WDR76: variants seen among roughly 807,000 people sequenced by gnomAD.
WDR76 encodes WD repeat-containing protein 76.
In WDR76, 52 loss-of-function variants were observed where a neutral mutation model predicts 70.2. The ratio of observed to expected loss-of-function variants is 0.74; its 90% CI spans 0.59 to 0.93. The LOEUF is 0.93. Among genes scored for constraint, WDR76 ranks in the 40% least tolerant of loss-of-function variants. The probability of loss-of-function intolerance (pLI) is 0.00; values close to 1 mark genes in which losing one functional copy is unlikely to be tolerated. For synonymous variants in WDR76, 292 were observed against 271.1 expected, an observed-to-expected ratio of 1.08 and a Z score of -0.76; for missense variants, 756 against 760.2, an observed-to-expected ratio of 0.99 and a Z score of 0.07.
intron 8 of WDR76, among the ~76,000 whole-genome samples, chr15:43,845,236 A>G (rs2087774274): frequency 6.7e-6 from 1 of 149,886 alleles, no homozygotes; most frequent in Admixed American, 6.6e-5. Flanking sequence ...GGCATGAGCC[A>G]CGGCGCCCAG....
In WDR76 at chr15:43,843,940, T is replaced by C. The variant is rs774398954; in HGVS notation, c.918T>C (p.Asp306=). 6.2e-7 allele frequency: 1 copy of C among 1,609,802 alleles called. No homozygotes were observed. Among genetic ancestry groups the C allele is most frequent in the Non-Finnish European group, 8.5e-7 (1 of 1,177,782 alleles). ...ANLNGMVISE[D]TVYKVTTGPI... is the part of the protein sequence containing the mutation. ...TAAATGGCATGGTCATTAGTGAAGA[T>C]ACCGTTTACAAAGTTACCACAGGCC... is the stretch of plus-strand genomic sequence containing the variant. Residue 306 remains aspartate (D), a synonymous_variant, in exon 8 of 13, where the codon GAT becomes GAC. Transcript: ENST00000263795.
At chr15:43,864,122 T>G (rs1351355706) in intron 12 of WDR76, 2 of 152,242 alleles carry the variant, frequency 1.3e-5, no homozygotes, top group Non-Finnish European at 2.9e-5. Context: ...TTTTCTTGTT[T>G]TAAGTGAAAT....
rs2087741629 is a variant in WDR76 at position 43,842,763 on chromosome 15, A to G, written c.878+92A>G. The G allele has an allele frequency of 1.9e-5, 23 of 1,220,298 alleles. No homozygotes were observed. In the South Asian group the frequency reaches 2.7e-4, roughly 14 times the overall value. 75.6% of individuals were successfully genotyped at this position (1,220,298 alleles called of 1,614,324 possible). A position where few individuals can be genotyped will look rare whatever the true frequency, so the allele number is the denominator to read the frequency against. ...CATTTTAGGGAATTTTGAAAGTGAG[A>G]TGAAATGTTTCCACCCTAACAACTG... On this transcript the variant is annotated intron_variant, in intron 7 of 12. Coordinates refer to ENST00000263795, the MANE Select transcript of WDR76 (RefSeq NM_024908.4).
intron 7 of WDR76, 126 bp from the exon 8 acceptor site, chr15:43,843,775 A>G: frequency 1.2e-6 from 1 of 821,120 alleles, no homozygotes; most frequent in Non-Finnish European, 1.8e-6. Flanking sequence ...TTCCTTGGTT[A>G]CCAGGAGATT....
Position 43,851,204 on chromosome 15 carries a change from A to G in WDR76, c.1150A>G (p.Thr384Ala), listed in dbSNP as rs751528743. The G allele has an allele frequency of 1.2e-6, 2 of 1,614,194 alleles. No individual in the cohort carries two copies. The highest frequency in any genetic ancestry group is 1.7e-6 in the Non-Finnish European group (2 of 1,180,036). ...AHILSLSYDGTLRCGDFSRAI... is the reference protein window; with the variant it reads ...AHILSLSYDGALRCGDFSRAI... ...CATACTGTCACTGAGCTATGATGGCACGTTACGCTGTGGGGATTTTTCCAG... is the reference window on the plus strand; with the variant it reads ...CATACTGTCACTGAGCTATGATGGCGCGTTACGCTGTGGGGATTTTTCCAG... Residue 384 changes from threonine (T) to alanine (A), a missense_variant, in exon 9 of 13, where the codon ACG (threonine) becomes GCG (alanine). Thr to Ala is a moderately conservative substitution (Grantham distance 58). Transcript: ENST00000263795.
chr15:43,839,238 C>A (rs1015951079), intron 4 of WDR76, among the ~76,000 whole-genome samples: 4 of 152,124 alleles, frequency 2.6e-5, no homozygotes, highest in Non-Finnish European at 5.9e-5. Context: ...CAAAGGTAAC[C>A]TCAGCATGTA....
At chr15:43,832,745 T>TA (rs1199573163) in intron 2 of WDR76, among the ~76,000 whole-genome samples, 1 of 85,642 alleles carries the variant, frequency 1.2e-5, no homozygotes, top group Non-Finnish European at 2.1e-5. Context: ...CTTGCTTTGT[T>TA]TTTTTTTTTT....
intron 9 of WDR76, among the ~76,000 whole-genome samples, chr15:43,853,353 G>A (rs2087887283): frequency 6.6e-6 from 1 of 151,574 alleles, no homozygotes; most frequent in African/African-American, 2.4e-5. Flanking sequence ...ACCATGCTTG[G>A]CTAATTTTTG....
rs141185455 is a variant in WDR76 at position 43,831,873 on chromosome 15, G to T, written c.463-3188G>T. On this transcript the variant is annotated intron_variant, in intron 2 of 12. Coordinates refer to ENST00000263795, the MANE Select transcript of WDR76 (RefSeq NM_024908.4). ...TTTTTGAGACGGAGTCTCACCTGTC[G>T]CCCAGGCTGGAATGTAGTGGTGCGA... 4.9e-3 allele frequency among the ~76,000 whole-genome samples: 739 copies of T among 150,676 alleles called. 3 individuals are homozygous for T. The highest frequency in any genetic ancestry group is 8.3e-3 in the Non-Finnish European group (565 of 67,778).
rs563295742 is a variant in WDR76, at chr15:43,865,451, T to G, written c.1617-677T>G. Among the ~76,000 whole-genome samples the G allele has an allele frequency of 5.9e-5, 9 of 152,318 alleles. No individual in the cohort carries two copies. The East Asian group carries it at 1.5e-3, about 26-fold the overall frequency. On this transcript the variant is annotated intron_variant, in intron 12 of 12. Transcript: ENST00000263795. Reference sequence around the variant, plus strand: ...CCATGGCCAGCTAATTTTCCTATTTTTAGTAGAGACGGGGTTTCACCATGT... The same window carrying G: ...CCATGGCCAGCTAATTTTCCTATTTGTAGTAGAGACGGGGTTTCACCATGT...
rs769475192 is a variant in WDR76 at position 43,857,156 on chromosome 15, G to A, written c.1402G>A (p.Gly468Arg). 2 of 1,612,410 alleles carry A rather than the reference G, an allele frequency of 1.2e-6. No individual in the cohort carries two copies. Among genetic ancestry groups the A allele is most frequent in the Non-Finnish European group, 8.5e-7 (1 of 1,179,234 alleles). ...GCATAGACAGTATTTTATCACTGCCGGATTGAGGTATGGTCTTTATAAGAC... is the reference window on the plus strand; with the variant it reads ...GCATAGACAGTATTTTATCACTGCCAGATTGAGGTATGGTCTTTATAAGAC... ...PVHRQYFITA[G>R]LRDTHIYDAR... Residue 468 changes from glycine to arginine, a missense_variant, in exon 10 of 13, where the codon GGA (glycine) becomes AGA (arginine). Gly to Arg is a moderately radical substitution (Grantham distance 125, BLOSUM62 -2). Transcript: ENST00000263795.
chr15:43,850,915 A>G (rs902581256), intron 8 of WDR76, among the ~76,000 whole-genome samples, 172 bp from the exon 9 acceptor site: 1 of 152,190 alleles, frequency 6.6e-6, no homozygotes, highest in Non-Finnish European at 1.5e-5. Context: ...AGTTAATGAC[A>G]AGATAAAGTT....
chr15:43,863,405 GAATAT>G (rs1467524864), intron 12 of WDR76, among the ~76,000 whole-genome samples: 1 of 151,946 alleles, frequency 6.6e-6, no homozygotes, highest in Non-Finnish European at 1.5e-5. Context: ...CAATCTTCAA[GAATAT>G]AATATATTGT....
intron 8 of WDR76, among the ~76,000 whole-genome samples, chr15:43,848,688 C>T (rs936420102): frequency 1.3e-5 from 2 of 152,152 alleles, no homozygotes; most frequent in African/African-American, 4.8e-5. Context: ...TGCCTGTAAT[C>T]CCAACACTTT....
rs969168994 is a variant in WDR76 at position 43,857,108 on chromosome 15, A to G, written c.1354A>G (p.Arg452Gly). ...TACCAGTTCTTCTATGGGAAAAATA[A>G]GAACTGTTCATGTCCACCCAGTGCA... Reference protein sequence around the residue: ...KLTSSSMGKIRTVHVHPVHRQ... With the variant: ...KLTSSSMGKIGTVHVHPVHRQ... Residue 452 changes from arginine (R) to glycine (G), a missense_variant, in exon 10 of 13, where the codon AGA (arginine) becomes GGA (glycine). Transcript: ENST00000263795. 4 of 1,614,156 alleles carry G rather than the reference A, an allele frequency of 2.5e-6. No homozygotes were observed. Among genetic ancestry groups the G allele is most frequent in the Non-Finnish European group, 3.4e-6 (4 of 1,180,006 alleles).
intron 3 of WDR76, 152 bp downstream of exon 3, chr15:43,835,302 G>GC: frequency 4.6e-6 from 2 of 438,232 alleles, no homozygotes; most frequent in South Asian, 2.4e-5. Context: ...CCCGCCCCCC[G>GC]CCCCCCGCCC....
intron 10 of WDR76, chr15:43,857,589 G>A (rs2087943887): frequency 8.6e-6 from 8 of 932,746 alleles, no homozygotes; most frequent in Non-Finnish European, 1.0e-5. Flanking sequence ...GGAGGCTGAG[G>A]CAGGCAGATC....
chr15:43,855,163 C>T (rs533734972), intron 9 of WDR76, among the ~76,000 whole-genome samples: 3 of 152,130 alleles, frequency 2.0e-5, no homozygotes, highest in Non-Finnish European at 2.9e-5. Flanking sequence ...TTTTAAGATG[C>T]GTTCATGCTA....
intron 6 of WDR76, 29 bp from the exon 7 acceptor site, chr15:43,842,599 T>C (rs1276204351): frequency 1.2e-6 from 2 of 1,605,114 alleles, no homozygotes; most frequent in Non-Finnish European, 1.7e-6. Context: ...CATACTAACT[T>C]AGTTCTTTCA....
Sources: allele counts gnomAD v4.1 joint callset (sites outside exome capture counted in the v4.1 genomes callset), GRCh38; gene constraint gnomAD v4.1.1; transcripts MANE v1.5; gene names NCBI Gene and HGNC (gene_info 2026-07-23, HGNC 2026-07-21).